VPS13C: variants seen among roughly 807,000 people sequenced by gnomAD.
VPS13C encodes the protein vacuolar protein sorting 13 homolog C, also known as intermembrane lipid transfer protein VPS13C.
VPS13C carries 358 observed loss-of-function variants against 456.8 expected under a neutral mutation model. The observed-to-expected ratio is 0.78, with a 90% CI of 0.72 to 0.86. The LOEUF (loss-of-function observed/expected upper bound fraction) is 0.86. Ranked by LOEUF, VPS13C falls within the 40% of genes least tolerant of loss-of-function variation. VPS13C has a pLI of 0.00. For missense variants in VPS13C, 4,818 were observed against 4,385.4 expected (o/e 1.10, Z -2.79); for synonymous variants, 1,578 against 1,486.7 (o/e 1.06, Z -1.41).
chr15:61,970,053 G>A (rs925452892), intron 27 of VPS13C, among the ~76,000 whole-genome samples: 7 of 152,102 alleles, frequency 4.6e-5, no homozygotes, highest in African/African-American at 1.2e-4. Context: ...AAAAGACCAC[G>A]AAACTCCTAC....
chr15:61,930,974 G>A, intron 50 of VPS13C, 116 bp downstream of exon 50: 1 of 1,211,088 alleles, frequency 8.3e-7, no homozygotes, highest in Non-Finnish European at 1.2e-6. Flanking sequence ...AAATCAGGAA[G>A]TATGACCAAA....
Position 61,951,931 on chromosome 15 carries a change from T to C in VPS13C, c.4349A>G (p.His1450Arg), listed in dbSNP as rs372091910. 12 of 1,613,778 alleles carry C rather than the reference T, an allele frequency of 7.4e-6. No individual in the cohort carries two copies. The highest frequency in any genetic ancestry group is 2.7e-5 in the African/African-American group (2 of 74,934). The stretch of plus-strand genomic sequence containing the variant: ...TCCAAGTTGCAGGACATTTAGCTCA[T>C]GTAAAGGCCTTCCTTTCTTTTCTGA... ...KKSEKKGRPL[H>R]ELNVLQLGME... is the part of the protein sequence containing the mutation. Residue 1450 changes from histidine (H) to arginine (R), a missense_variant, in exon 39 of 85, where the codon CAT becomes CGT. Physicochemically the swap from His to Arg is conservative, Grantham distance 29 (BLOSUM62 0). This residue lies in a region of VPS13C where 4,552 missense variants were observed against 4,130.6 expected (regional missense o/e 1.10). Transcript: ENST00000644861.
intron 66 of VPS13C, among the ~76,000 whole-genome samples, chr15:61,898,240 T>C (rs1209133160): frequency 6.6e-6 from 1 of 151,848 alleles, no homozygotes; most frequent in Non-Finnish European, 1.5e-5. Context: ...AGGATCAAAT[T>C]CACATATAAC....
intron 13 of VPS13C, among the ~76,000 whole-genome samples, chr15:62,010,189 C>CA (rs201274227): frequency 0.022 from 2,971 of 135,436 alleles, 60 homozygotes; most frequent in East Asian, 0.078. Flanking sequence ...GACTCCATCT[C>CA]AAAAAAAAAA....
At chr15:61,969,203 T>C (rs2045471346) in intron 28 of VPS13C, 96 bp downstream of exon 28, 3 of 903,688 alleles carry the variant, frequency 3.3e-6, no homozygotes, top group African/African-American at 1.7e-5. Context: ...AGTGTAGCTA[T>C]TATTTATTAT....
chr15:61,977,797 T>G (rs12901036), intron 23 of VPS13C, among the ~76,000 whole-genome samples: 9,851 of 152,138 alleles, frequency 0.065, 397 homozygotes, highest in Non-Finnish European at 0.091. Flanking sequence ...AATCCAATTA[T>G]TCTTAAGTAA....
intron 1 of VPS13C, among the ~76,000 whole-genome samples, chr15:62,046,402 T>G (rs559412536): frequency 1.3e-5 from 2 of 152,300 alleles, no homozygotes; most frequent in Admixed American, 1.3e-4. Context: ...GTATTATATA[T>G]GCACTAAAAT....
At chr15:61,949,329 C>G in intron 42 of VPS13C, 114 bp downstream of exon 42, 1 of 1,224,932 alleles carries the variant, frequency 8.2e-7, no homozygotes, top group Non-Finnish European at 1.1e-6. Flanking sequence ...TGAAACTAAC[C>G]TATCAGAGCA....
intron 67 of VPS13C, among the ~76,000 whole-genome samples, chr15:61,889,402 A>G (rs1158732292): frequency 6.6e-6 from 1 of 152,122 alleles, no homozygotes; most frequent in Non-Finnish European, 1.5e-5. Flanking sequence ...AAAGTTCATT[A>G]CATAGACTAT....
chr15:61,898,076 A>T (rs1257270364), intron 66 of VPS13C, among the ~76,000 whole-genome samples: 1 of 152,154 alleles, frequency 6.6e-6, no homozygotes, highest in Non-Finnish European at 1.5e-5. Context: ...ACCACCAGAC[A>T]TGCCCTATAA....
rs777913542 is a variant in VPS13C, at chr15:61,969,344, C to G, written c.2866G>C (p.Val956Leu). The change falls in exon 28 of 85, where the codon GTA (valine) becomes CTA (leucine). Residue 956 changes from valine to leucine, a missense_variant. Val to Leu is a conservative substitution (Grantham distance 32). Transcript: ENST00000644861. ...ATMRTFDLTVVSYLKKISLDY... is the reference protein window; with the variant it reads ...ATMRTFDLTVLSYLKKISLDY... Reference sequence around the variant, plus strand: ...AAGCTGATTTTCTTTAAATAAGATACCACAGTTAAGTCAAATGTTCTCATT... The same window carrying G: ...AAGCTGATTTTCTTTAAATAAGATAGCACAGTTAAGTCAAATGTTCTCATT... 4.2e-5 allele frequency: 68 copies of G among 1,602,558 alleles called. No homozygotes were observed. Among genetic ancestry groups the G allele is most frequent in the Non-Finnish European group, 5.3e-5 (62 of 1,175,126 alleles).
chr15:61,856,455 A>G, intron 82 of VPS13C, 46 bp from the exon 83 acceptor site: 1 of 1,605,112 alleles, frequency 6.2e-7, no homozygotes, highest in Non-Finnish European at 8.5e-7. Context: ...TGATGAAGAC[A>G]GTTTATTCTT....
chr15:62,034,766 C>T (rs1428319365), intron 4 of VPS13C, among the ~76,000 whole-genome samples, 191 bp downstream of exon 4: 2 of 151,702 alleles, frequency 1.3e-5, no homozygotes, highest in African/African-American at 4.8e-5. Flanking sequence ...AACAACAATA[C>T]TTTATACACA....
intron 16 of VPS13C, among the ~76,000 whole-genome samples, chr15:61,998,956 G>A (rs1357647671): frequency 6.6e-6 from 1 of 151,920 alleles, no homozygotes; most frequent in Non-Finnish European, 1.5e-5. Flanking sequence ...TCTTTTCTCT[G>A]GCTTACTTTA....
intron 45 of VPS13C, among the ~76,000 whole-genome samples, chr15:61,944,530 A>G (rs1166168961): frequency 6.6e-6 from 1 of 152,214 alleles, no homozygotes; most frequent in Non-Finnish European, 1.5e-5. Flanking sequence ...AAATTAACGC[A>G]CGAACAGAAA....
At chr15:61,936,003 A>G (rs534464440) in intron 48 of VPS13C, among the ~76,000 whole-genome samples, 1 of 152,320 alleles carries the variant, frequency 6.6e-6, no homozygotes, top group South Asian at 2.1e-4. Flanking sequence ...CAATGGCTTT[A>G]AATTATGAAA....
chr15:62,052,795 T>C (rs1471258282), intron 1 of VPS13C, among the ~76,000 whole-genome samples: 3 of 152,106 alleles, frequency 2.0e-5, no homozygotes, highest in Non-Finnish European at 4.4e-5. Flanking sequence ...CACAGTGACT[T>C]TGTCTTCAGA....
chr15:62,026,106 G>A (rs1403466873), intron 6 of VPS13C, among the ~76,000 whole-genome samples: 1 of 84,104 alleles, frequency 1.2e-5, no homozygotes, highest in Non-Finnish European at 3.2e-5. Context: ...ATGAAAATCT[G>A]ATCTCACTAT....
intron 1 of VPS13C, among the ~76,000 whole-genome samples, chr15:62,049,322 G>A (rs1213572362): frequency 1.3e-5 from 2 of 152,148 alleles, no homozygotes; most frequent in Non-Finnish European, 2.9e-5. Context: ...TTCTACATAT[G>A]GCTAGCCAGT....
Sources: allele counts gnomAD v4.1 joint callset (sites outside exome capture counted in the v4.1 genomes callset), GRCh38; gene constraint gnomAD v4.1.1; regional missense constraint gnomAD v4.1.1; transcripts MANE v1.5; gene names NCBI Gene and HGNC (gene_info 2026-07-23, HGNC 2026-07-21).